HECW2: variants seen among roughly 807,000 people sequenced by gnomAD.
HECW2 encodes the protein E3 ubiquitin-protein ligase HECW2.
HECW2 carries 61 observed loss-of-function variants against 175.2 expected under a neutral mutation model. That is an observed-to-expected ratio of 0.35 (90% confidence interval 0.28 to 0.43). The LOEUF (loss-of-function observed/expected upper bound fraction) is 0.43, where lower values mean the gene tolerates loss of function less well. Among genes scored for constraint, HECW2 ranks in the 20% least tolerant of loss-of-function variants. The pLI, the probability that HECW2 is intolerant of heterozygous loss-of-function variation, is 1.00. For synonymous variants in HECW2, 671 were observed against 731.0 expected, an observed-to-expected ratio of 0.92 and a Z score of 1.32; for missense variants, 1,524 against 2,000.5, an observed-to-expected ratio of 0.76 and a Z score of 4.54.
chr2:196,437,611 C>CTAAAAAAAAAAAAAA (rs71407882), intron 1 of HECW2, among the ~76,000 whole-genome samples: 1 of 55,786 alleles, frequency 1.8e-5, no homozygotes, highest in African/African-American at 6.3e-5. Flanking sequence ...GACTCTGTCT[C>CTAAAAAAAAAAAAAA]AAAAAAAAAA....
intron 10 of HECW2, among the ~76,000 whole-genome samples, chr2:196,314,902 G>A (rs1016928911): frequency 2.6e-5 from 4 of 151,970 alleles, no homozygotes; most frequent in East Asian, 1.9e-4. Flanking sequence ...TAAGTCAGAC[G>A]CATGACCAGA....
chr2:196,297,687 G>A (rs1690871495), intron 13 of HECW2, among the ~76,000 whole-genome samples: 1 of 152,100 alleles, frequency 6.6e-6, no homozygotes, highest in South Asian at 2.1e-4. Context: ...TCAAGAATAG[G>A]CATTCTGAAT....
At chr2:196,410,359 G>A (rs1375358720) in intron 2 of HECW2, among the ~76,000 whole-genome samples, 1 of 152,154 alleles carries the variant, frequency 6.6e-6, no homozygotes, top group South Asian at 2.1e-4. Context: ...AAGTGTGTTG[G>A]AGCCAGATTT....
intron 1 of HECW2, among the ~76,000 whole-genome samples, chr2:196,589,543 AC>A (rs1294543831): frequency 1.3e-5 from 2 of 152,204 alleles, no homozygotes; most frequent in Non-Finnish European, 2.9e-5. Context: ...AAAAGCTGAG[AC>A]CCAAACCAAA....
intron 28 of HECW2, among the ~76,000 whole-genome samples, chr2:196,212,536 TTATGGCTGCATAG>T (rs910225816): frequency 3.3e-5 from 5 of 152,212 alleles, no homozygotes; most frequent in African/African-American, 1.2e-4. Context: ...TCATTCTTTT[TTATGGCTGCATAG>T]TATTCCATGG....
At chr2:196,587,438 C>T (rs1273486501) in intron 1 of HECW2, among the ~76,000 whole-genome samples, 1 of 152,176 alleles carries the variant, frequency 6.6e-6, no homozygotes, top group Non-Finnish European at 1.5e-5. Flanking sequence ...TCAGAGATTC[C>T]CTTGTCTCTA....
In HECW2 at chr2:196,428,147, C is replaced by T. The variant is rs576404302; in HGVS notation, c.292+4985G>A. Among the ~76,000 whole-genome samples the T allele has an allele frequency of 2.0e-5, 3 of 152,196 alleles. No individual in the cohort carries two copies. The South Asian group carries it at 6.2e-4, about 32-fold the overall frequency. ...CAGAGTGTGCCAACAAGCCACACCT[C>T]GTCAGCTTGATGTTCTACTAAATTC... On this transcript the variant is annotated intron_variant, in intron 2 of 28. Coordinates refer to ENST00000644978, the MANE Select transcript of HECW2 (RefSeq NM_001348768.2).
chr2:196,483,094 TAAAAA>T (rs370614949), intron 1 of HECW2, among the ~76,000 whole-genome samples: 2 of 110,432 alleles, frequency 1.8e-5, no homozygotes, highest in Non-Finnish European at 1.9e-5. Flanking sequence ...TTCATAGTTG[TAAAAA>T]AAAAAAAAAA....
chr2:196,291,672 C>T (rs924762022), intron 14 of HECW2: 2 of 152,216 alleles, frequency 1.3e-5, no homozygotes, highest in African/African-American at 4.8e-5. Flanking sequence ...GTTCCTGGAA[C>T]CAGCCTGGCT....
chr2:196,579,205 A>G (rs1167663605), intron 1 of HECW2, among the ~76,000 whole-genome samples: 3 of 152,182 alleles, frequency 2.0e-5, no homozygotes, highest in Admixed American at 6.5e-5. Flanking sequence ...AAAAAATATC[A>G]TAACAGTATC....
chr2:196,561,693 T>G (rs749338049), intron 1 of HECW2, among the ~76,000 whole-genome samples: 2 of 152,192 alleles, frequency 1.3e-5, no homozygotes, highest in African/African-American at 2.4e-5. Context: ...AGAACCTATG[T>G]TGAAATATCA....
At chr2:196,393,981 G>T (rs1190970574) in intron 2 of HECW2, among the ~76,000 whole-genome samples, 2 of 152,084 alleles carry the variant, frequency 1.3e-5, no homozygotes, top group African/African-American at 4.8e-5. Context: ...CCATAAAAAA[G>T]GATGAGTTCA....
intron 1 of HECW2, among the ~76,000 whole-genome samples, chr2:196,453,605 CT>C (rs1420849461): frequency 1.3e-5 from 2 of 152,148 alleles, no homozygotes; most frequent in African/African-American, 4.8e-5. Context: ...TTAAATGCAG[CT>C]TAAAATATCA....
intron 2 of HECW2, among the ~76,000 whole-genome samples, chr2:196,346,638 G>T (rs1295532272): frequency 6.6e-6 from 1 of 152,146 alleles, no homozygotes; most frequent in Non-Finnish European, 1.5e-5. Context: ...GCTCCTGTAG[G>T]TTGGGATAAA....
At chr2:196,231,849 T>A (rs1012007687) in intron 21 of HECW2, among the ~76,000 whole-genome samples, 1 of 151,538 alleles carries the variant, frequency 6.6e-6, no homozygotes, top group African/African-American at 2.4e-5. Flanking sequence ...ATTAGCAGAA[T>A]GTGGTGGTGG....
intron 1 of HECW2, among the ~76,000 whole-genome samples, chr2:196,452,554 T>C (rs888538506): frequency 6.6e-6 from 1 of 152,098 alleles, no homozygotes; most frequent in African/African-American, 2.4e-5. Context: ...CAAGGTAATA[T>C]CCACTAATAT....
At chr2:196,279,571 A>C (rs1248601103) in intron 14 of HECW2, among the ~76,000 whole-genome samples, 1 of 152,172 alleles carries the variant, frequency 6.6e-6, no homozygotes, top group East Asian at 1.9e-4. Flanking sequence ...CGTTACTATA[A>C]GAATATTCTT....
At chr2:196,404,117 T>C (rs962718503) in intron 2 of HECW2, among the ~76,000 whole-genome samples, 1 of 152,188 alleles carries the variant, frequency 6.6e-6, no homozygotes, top group African/African-American at 2.4e-5. Context: ...TCTGTTTGAA[T>C]CCATACAATA....
chr2:196,338,635 A>G (rs1443497388), intron 3 of HECW2, among the ~76,000 whole-genome samples: 2 of 152,334 alleles, frequency 1.3e-5, no homozygotes, highest in East Asian at 3.9e-4. Flanking sequence ...TCACTCAGGC[A>G]GTAGTTAACA....
Sources: allele counts gnomAD v4.1 joint callset (sites outside exome capture counted in the v4.1 genomes callset), GRCh38; gene constraint gnomAD v4.1.1; transcripts MANE v1.5; gene names NCBI Gene and HGNC (gene_info 2026-07-23, HGNC 2026-07-21).